The following KMT2C variants were observed in gnomAD, a reference collection of about 807,000 sequenced individuals.
KMT2C encodes lysine methyltransferase 2C.
KMT2C carries 88 observed loss-of-function variants against 507.9 expected under a neutral mutation model. The observed-to-expected ratio is 0.17, with a 90% CI of 0.15 to 0.21. KMT2C has a LOEUF of 0.21. KMT2C is among the 10% of genes least tolerant of loss of function. The probability of loss-of-function intolerance (pLI) is 1.00; values close to 1 mark genes in which losing one functional copy is unlikely to be tolerated. For synonymous variants in KMT2C, 2,049 were observed against 2,080.8 expected, an observed-to-expected ratio of 0.98 and a Z score of 0.42; for missense variants, 4,954 against 5,957.8, an observed-to-expected ratio of 0.83 and a Z score of 5.55.
At chr7:152,388,471 A>C (rs1486296952) in intron 1 of KMT2C, among the ~76,000 whole-genome samples, 1 of 151,994 alleles carries the variant, frequency 6.6e-6, no homozygotes, top group Non-Finnish European at 1.5e-5. Context: ...AGGCAGAAGA[A>C]TCGCTTGAAC....
At position 152,301,622 on chromosome 7, in the gene KMT2C, G is replaced by A. The variant is rs567507617; in HGVS notation, c.849+8344C>T. Among the ~76,000 whole-genome samples, 10 of 152,290 alleles carry A rather than the reference G, an allele frequency of 6.6e-5. No homozygotes were observed. The East Asian group carries it at 1.3e-3, about 21-fold the overall frequency. Reference sequence around the variant, plus strand: ...GGACTGCTTGAGCCTAAGAAGTCAAGGTTGCAGTAAGCCATGATCGTGCCA... The same window carrying A: ...GGACTGCTTGAGCCTAAGAAGTCAAAGTTGCAGTAAGCCATGATCGTGCCA... On this transcript the variant is annotated intron_variant, in intron 6 of 58. Coordinates refer to ENST00000262189, the MANE Select transcript of KMT2C (RefSeq NM_170606.3).
intron 26 of KMT2C, among the ~76,000 whole-genome samples, chr7:152,202,229 A>T (rs143205351): frequency 1.1e-4 from 16 of 152,356 alleles, no homozygotes; most frequent in South Asian, 4.1e-4. Flanking sequence ...ATGAAGAAAT[A>T]GAGGCCAGGA....
At chr7:152,293,432 G>C (rs969772382) in intron 6 of KMT2C, among the ~76,000 whole-genome samples, 1 of 152,094 alleles carries the variant, frequency 6.6e-6, no homozygotes, top group Non-Finnish European at 1.5e-5. Flanking sequence ...CATTACCATG[G>C]TTCAAAAGTT....
At chr7:152,388,491 G>A (rs370411988) in intron 1 of KMT2C, among the ~76,000 whole-genome samples, 4 of 140,110 alleles carry the variant, frequency 2.9e-5, no homozygotes, top group South Asian at 2.3e-4. Context: ...CCCGGGAGGC[G>A]GAGGTTGCGT....
intron 1 of KMT2C, among the ~76,000 whole-genome samples, chr7:152,429,068 A>C (rs779712345): frequency 6.6e-6 from 1 of 151,438 alleles, no homozygotes; most frequent in Non-Finnish European, 1.5e-5. Context: ...TCCCTCACAC[A>C]CTCATTTTCT....
chr7:152,416,593 G>T (rs1314954696), intron 1 of KMT2C, among the ~76,000 whole-genome samples: 1 of 150,878 alleles, frequency 6.6e-6, no homozygotes, highest in Non-Finnish European at 1.5e-5. Context: ...AGGCATGGTA[G>T]CGCGCCTGTA....
At chr7:152,426,909 T>C (rs1289213297) in intron 1 of KMT2C, among the ~76,000 whole-genome samples, 2 of 152,232 alleles carry the variant, frequency 1.3e-5, no homozygotes, top group African/African-American at 2.4e-5. Context: ...AATTTGGTTT[T>C]CTCATTTGTC....
intron 6 of KMT2C, among the ~76,000 whole-genome samples, chr7:152,300,822 G>A (rs1036001556): frequency 2.6e-5 from 4 of 152,152 alleles, no homozygotes; most frequent in Non-Finnish European, 5.9e-5. Context: ...CACTTTGGGA[G>A]GCTGAGGCGG....
rs868790057 is a variant in KMT2C at position 152,177,604 on chromosome 7, T to G, written c.7849A>C (p.Asn2617His). The G allele has an allele frequency of 3.1e-6, 5 of 1,614,122 alleles. No individual in the cohort carries two copies. In the Middle Eastern group the frequency reaches 8.2e-4, roughly 266 times the overall value. Residue 2617 changes from asparagine (N) to histidine (H), a missense_variant, in exon 38 of 59, where the codon AAT becomes CAT. By Grantham distance (68) the Asn-to-His change is moderately conservative. This residue lies in a region of KMT2C where 1,689 missense variants were observed against 1,654.3 expected (regional missense o/e 1.02). Transcript: ENST00000262189. Reference sequence around the variant, plus strand: ...AAATCTGGGTGCACAGGTAGCTGATTAGGTAGACCCTGGGGAGGTCGTCGC... The same window carrying G: ...AAATCTGGGTGCACAGGTAGCTGATGAGGTAGACCCTGGGGAGGTCGTCGC... The part of the protein sequence containing the change: ...PMRRPPQGLP[N>H]QLPVHPDLEQ...
At chr7:152,271,832 T>G (rs1483332921) in intron 7 of KMT2C, among the ~76,000 whole-genome samples, 2 of 152,128 alleles carry the variant, frequency 1.3e-5, no homozygotes, top group Non-Finnish European at 2.9e-5. Context: ...AATTTTTCAT[T>G]GCATTGTATC....
In KMT2C at chr7:152,180,229, C is replaced by T. The variant is rs2093386022; in HGVS notation, c.7150-103G>A. The T allele has an allele frequency of 5.9e-5, 75 of 1,272,238 alleles. 1 individual carries two copies. The South Asian group carries it at 8.7e-4, about 15-fold the overall frequency. 78.8% of individuals were successfully genotyped at this position (1,272,238 alleles called of 1,614,324 possible). A position where few individuals can be genotyped will look rare whatever the true frequency, so the allele number is the denominator to read the frequency against. ...AGATATGGGATCTTGCTATGTTGCC[C>T]AGGCTGGCCTCAAATTCCTGGACTC... is the stretch of plus-strand genomic sequence containing the variant. On this transcript the variant is annotated intron_variant, in intron 36 of 58. Transcript: ENST00000262189.
At position 152,315,261 on chromosome 7, in the gene KMT2C, G is replaced by C. The variant is rs752277873; in HGVS notation, c.467C>G (p.Thr156Arg). Residue 156 changes from threonine to arginine, a missense_variant, in exon 4 of 59, where the codon ACG becomes AGG. By Grantham distance (71) the Thr-to-Arg change is moderately conservative. Transcript: ENST00000262189. ...TCTCCATGGCAAGATAAATCCAGGCGTTATTCTGAATTGTTTTAAGTCTCC... is the reference window on the plus strand; with the variant it reads ...TCTCCATGGCAAGATAAATCCAGGCCTTATTCTGAATTGTTTTAAGTCTCC... Reference protein sequence around the residue: ...GQGDLKQFRITPGFILPWRNQ... With the variant: ...GQGDLKQFRIRPGFILPWRNQ... 6.2e-7 allele frequency: 1 copy of C among 1,613,754 alleles called. No homozygotes were observed. Among genetic ancestry groups the C allele is most frequent in the Non-Finnish European group, 8.5e-7 (1 of 1,179,776 alleles).
chr7:152,399,940 G>A (rs974906483), intron 1 of KMT2C, among the ~76,000 whole-genome samples: 3 of 151,640 alleles, frequency 2.0e-5, no homozygotes, highest in African/African-American at 7.3e-5. Flanking sequence ...CAAACAAACA[G>A]ACAAAAATAT....
intron 1 of KMT2C, among the ~76,000 whole-genome samples, chr7:152,416,739 A>G (rs967188629): frequency 4.0e-5 from 6 of 148,768 alleles, no homozygotes; most frequent in Non-Finnish European, 8.9e-5. Context: ...AAAAAAAAAA[A>G]TTCAATGTAA....
chr7:152,324,360 G>A (rs2096804398), intron 3 of KMT2C, among the ~76,000 whole-genome samples: 1 of 151,604 alleles, frequency 6.6e-6, no homozygotes, highest in Admixed American at 6.6e-5. Flanking sequence ...CAAGGTAATG[G>A]ATGTTAATTT....
At chr7:152,164,318 C>A (rs996348566) in intron 42 of KMT2C, among the ~76,000 whole-genome samples, 7 of 145,934 alleles carry the variant, frequency 4.8e-5, no homozygotes, top group African/African-American at 1.8e-4. Flanking sequence ...GAGACGGAGT[C>A]TCGCTCTGTC....
chr7:152,298,024 G>C (rs1005489913), intron 6 of KMT2C, among the ~76,000 whole-genome samples: 1 of 151,838 alleles, frequency 6.6e-6, no homozygotes, highest in African/African-American at 2.4e-5. Context: ...TACATTGGAT[G>C]AACTAAAGCA....
At chr7:152,297,414 A>G (rs1265385137) in intron 6 of KMT2C, among the ~76,000 whole-genome samples, 1 of 152,224 alleles carries the variant, frequency 6.6e-6, no homozygotes, top group East Asian at 1.9e-4. Context: ...TCAAGCATTC[A>G]CCAGATAACT....
chr7:152,418,235 C>T lies in KMT2C; in HGVS notation c.161+17391G>A, dbSNP rs573199673. Among the ~76,000 whole-genome samples the T allele has an allele frequency of 5.7e-4, 86 of 152,174 alleles. 2 individuals carry two copies. In the South Asian group the frequency reaches 0.017, roughly 31 times the overall value. ...GATTACAGGCGTGAGCCACCATGCC[C>T]GGCCAAATGCTTATTTTTTAACCTA... On this transcript the variant is annotated intron_variant, in intron 1 of 58. Transcript: ENST00000262189.
Sources: gnomAD v4.1 joint callset for allele counts (sites outside exome capture counted in the v4.1 genomes callset) on GRCh38, gnomAD v4.1.1 for gene constraint, gnomAD v4.1.1 regional missense constraint, MANE v1.5 for transcripts, NCBI Gene and HGNC (gene_info 2026-07-23, HGNC 2026-07-21) for gene names.